Variants in GPR55 observed in about 807,000 individuals in gnomAD.
The protein encoded by GPR55 is G-protein coupled receptor 55.
Under a neutral mutation model 7.9 loss-of-function variants are expected in GPR55, and 6 were observed. The observed-to-expected ratio is 0.76, with a 90% CI of 0.41 to 1.49. The LOEUF (loss-of-function observed/expected upper bound fraction) is 1.49. GPR55 is among the 40% of genes most tolerant of loss of function. The pLI is 0.01. For missense variants in GPR55, 376 were observed against 406.0 expected (o/e 0.93, Z 0.63); for synonymous variants, 183 against 166.8 (o/e 1.10, Z -0.75).
At chr2:230,926,639 C>T (rs1690947345), upstream of GPR55, among the ~76,000 whole-genome samples, 1 of 152,092 alleles carries the variant, frequency 6.6e-6, no homozygotes, top group Non-Finnish European at 1.5e-5. Flanking sequence ...CTGCTCAGCC[C>T]CTTCTCAAAG....
chr2:230,954,893 T>G (rs755562955), intron 1 of GPR55, among the ~76,000 whole-genome samples: 8 of 152,238 alleles, frequency 5.3e-5, no homozygotes, highest in Non-Finnish European at 8.8e-5. Context: ...CAGACATCAC[T>G]AATCAATTAC....
chr2:230,910,027 C>T lies in GPR55; in HGVS notation c.936G>A (p.Gln312=), dbSNP rs1246639143. 2 of 1,613,940 alleles carry T rather than the reference C, an allele frequency of 1.2e-6. No homozygotes were observed. The highest frequency in any genetic ancestry group is 1.7e-6 in the Non-Finnish European group (2 of 1,179,918). The change falls in exon 2 of 2, where the codon CAG becomes CAA. Residue 312 remains glutamine, a synonymous_variant. Coordinates refer to ENST00000650999, the MANE Select transcript of GPR55 (RefSeq NM_005683.4). This position sits in a 1 kb window ranked among gnomAD's most constrained non-coding sequence, Gnocchi z 5.4. ...HRPSRVQLVL[Q]DTTISRG ...GTTAGCCCCGGGAGATCGTGGTGTC[C>T]TGCAGGACCAGCTGGACCCTGGAAG...
chr2:230,918,289 G>C (rs1185958367), intron 1 of GPR55, among the ~76,000 whole-genome samples: 1 of 152,146 alleles, frequency 6.6e-6, no homozygotes, highest in Admixed American at 6.5e-5. Context: ...AGAGAGGAGA[G>C]CAAAAATAGC....
At chr2:230,931,972 C>A (rs990357692) in intron 1 of GPR55, among the ~76,000 whole-genome samples, 1 of 152,148 alleles carries the variant, frequency 6.6e-6, no homozygotes, top group East Asian at 1.9e-4. Flanking sequence ...GCAGCCCCAC[C>A]CCAGCCCGGT....
chr2:230,921,597 A>G (rs1257431922), intron 1 of GPR55, among the ~76,000 whole-genome samples: 1 of 152,254 alleles, frequency 6.6e-6, no homozygotes, highest in African/African-American at 2.4e-5. Context: ...GAAATATTGT[A>G]AAGAAACAAT....
intron 1 of GPR55, among the ~76,000 whole-genome samples, chr2:230,954,326 G>A (rs1461972593): frequency 6.6e-6 from 1 of 152,212 alleles, no homozygotes; most frequent in Non-Finnish European, 1.5e-5. Context: ...CCTGCTCTGG[G>A]CTGGCTATCA....
chr2:230,929,155 C>T (rs116200156), upstream of GPR55, among the ~76,000 whole-genome samples: 1,474 of 152,252 alleles, frequency 9.7e-3, 18 homozygotes, highest in African/African-American at 0.031. Context: ...ATCCGGCCAC[C>T]AAGCCCCACT....
At chr2:230,915,445 C>T (rs1397140800) in intron 1 of GPR55, among the ~76,000 whole-genome samples, 2 of 152,202 alleles carry the variant, frequency 1.3e-5, no homozygotes, top group South Asian at 2.1e-4. Flanking sequence ...GTCCCAGCCT[C>T]CTCCAGAAGG....
upstream of GPR55, chr2:230,928,644 T>A (rs1459063059): frequency 6.6e-6 from 1 of 152,126 alleles, no homozygotes; most frequent in African/African-American, 2.4e-5. Context: ...CCATTCCTCG[T>A]TGATTTATGC....
chr2:230,942,313 G>A (rs1211681178), intron 1 of GPR55, among the ~76,000 whole-genome samples: 3 of 152,184 alleles, frequency 2.0e-5, no homozygotes, highest in Non-Finnish European at 4.4e-5. Context: ...CCTCAGCCGG[G>A]CCTCCTGGCC....
At chr2:230,931,988 C>T (rs1407581984) in intron 1 of GPR55, among the ~76,000 whole-genome samples, 1 of 152,112 alleles carries the variant, frequency 6.6e-6, no homozygotes. Context: ...CCGGTCCCGT[C>T]GAGGCCACTC....
chr2:230,954,951 A>C (rs1691457660), intron 1 of GPR55, among the ~76,000 whole-genome samples: 1 of 152,228 alleles, frequency 6.6e-6, no homozygotes, highest in Non-Finnish European at 1.5e-5. Context: ...TCCTTAATAT[A>C]GTCTTCTAAG....
intron 1 of GPR55, among the ~76,000 whole-genome samples, chr2:230,916,158 G>A (rs556307956): frequency 1.2e-4 from 19 of 152,084 alleles, no homozygotes; most frequent in African/African-American, 2.7e-4. Context: ...AGGAGCACTC[G>A]AGCCCAGGAG....
chr2:230,941,804 CT>C (rs1045726911), intron 1 of GPR55, among the ~76,000 whole-genome samples: 9 of 152,190 alleles, frequency 5.9e-5, no homozygotes, highest in African/African-American at 1.7e-4. Flanking sequence ...AAAAGTTGTG[CT>C]TTTTAAATAT....
intron 1 of GPR55, among the ~76,000 whole-genome samples, chr2:230,948,299 C>A (rs1024266418): frequency 1.2e-4 from 19 of 152,170 alleles, no homozygotes; most frequent in Non-Finnish European, 1.5e-5. Flanking sequence ...CTCCCCCACT[C>A]CTTCCTCCCT....
intron 1 of GPR55, among the ~76,000 whole-genome samples, chr2:230,949,555 CA>C (rs1201395427): frequency 6.6e-6 from 1 of 152,244 alleles, no homozygotes. Flanking sequence ...CAGCACTTCT[CA>C]AAGTGTGGCT....
At chr2:230,950,576 C>T (rs1037917005) in intron 1 of GPR55, among the ~76,000 whole-genome samples, 6 of 152,236 alleles carry the variant, frequency 3.9e-5, no homozygotes, top group Non-Finnish European at 5.9e-5. Context: ...TAGAGATTCG[C>T]GACACTGGAA....
intron 1 of GPR55, among the ~76,000 whole-genome samples, chr2:230,941,518 C>T (rs1357293955): frequency 1.3e-5 from 2 of 152,232 alleles, no homozygotes; most frequent in African/African-American, 4.8e-5. Flanking sequence ...ACTTCCCACA[C>T]TCGGTCTCCT....
At chr2:230,932,676 C>T (rs6436982) in intron 1 of GPR55, among the ~76,000 whole-genome samples, 71,219 of 152,070 alleles carry the variant, frequency 0.47, 19,560 homozygotes, top group African/African-American at 0.77. Context: ...CCCAGCTGTG[C>T]CTGCATGAGC....
Sources: gnomAD v4.1 joint callset for allele counts (sites outside exome capture counted in the v4.1 genomes callset) on GRCh38, gnomAD v4.1.1 for gene constraint, Gnocchi (gnomAD v3.1) non-coding constraint, MANE v1.5 for transcripts, NCBI Gene and HGNC (gene_info 2026-07-23, HGNC 2026-07-21) for gene names.